SERPINI1: variants seen among roughly 807,000 people sequenced by gnomAD.
SERPINI1 encodes the protein neuroserpin.
In SERPINI1, 19 loss-of-function variants were observed where a neutral mutation model predicts 41.1. The ratio of observed to expected loss-of-function variants is 0.46; its 90% CI spans 0.32 to 0.68. The LOEUF (loss-of-function observed/expected upper bound fraction) is 0.68. Among genes scored for constraint, SERPINI1 ranks in the 30% least tolerant of loss-of-function variants. SERPINI1 has a pLI of 0.03. For missense variants in SERPINI1, 460 were observed against 479.2 expected (o/e 0.96, Z 0.37); for synonymous variants, 138 against 156.6 (o/e 0.88, Z 0.89).
intron 6 of SERPINI1, among the ~76,000 whole-genome samples, chr3:167,814,212 C>T (rs1189292004): frequency 6.6e-6 from 1 of 152,136 alleles, no homozygotes; most frequent in Non-Finnish European, 1.5e-5. Context: ...TTGATGTCTG[C>T]TTTCCTCTCA....
At position 167,824,467 on chromosome 3, in the gene SERPINI1, C is replaced by T. The variant is rs759360650; in HGVS notation, c.1067-6C>T. ...GACATATAATTACTTTTTATCTGCA[C>T]TGTAGGAATGATTGCAATTAGTAGG... On this transcript the variant is annotated splice_region_variant and splice_polypyrimidine_tract_variant and intron_variant, in intron 7 of 8. Coordinates refer to ENST00000446050, the MANE Select transcript of SERPINI1 (RefSeq NM_001122752.2). The T allele has an allele frequency of 2.8e-5, 45 of 1,608,772 alleles. No homozygotes were observed. The highest frequency in any genetic ancestry group is 3.8e-5 in the Non-Finnish European group (45 of 1,175,458).
intron 1 of SERPINI1, among the ~76,000 whole-genome samples, chr3:167,787,077 AACTTAAG>A (rs1185613740): frequency 1.3e-5 from 2 of 152,078 alleles, no homozygotes; most frequent in Admixed American, 1.3e-4. Flanking sequence ...TTTTTGTTAA[AACTTAAG>A]ACACAAATAC....
intron 1 of SERPINI1, among the ~76,000 whole-genome samples, chr3:167,746,261 C>T (rs756948732): frequency 4.7e-4 from 71 of 152,284 alleles, no homozygotes; most frequent in Non-Finnish European, 6.9e-4. Flanking sequence ...CTCTACCTCA[C>T]ACCATATACA....
intron 5 of SERPINI1, among the ~76,000 whole-genome samples, chr3:167,798,836 A>G (rs1221773914): frequency 6.6e-6 from 1 of 152,110 alleles, no homozygotes. Context: ...GAGGATGACT[A>G]GAGGAGGGAA....
At chr3:167,794,071 T>A (rs11924448) in intron 4 of SERPINI1, among the ~76,000 whole-genome samples, 5 of 152,156 alleles carry the variant, frequency 3.3e-5, no homozygotes, top group Admixed American at 2.6e-4. Context: ...AAATTTTCCC[T>A]TCTTAAAAAT....
intron 6 of SERPINI1, among the ~76,000 whole-genome samples, chr3:167,813,197 A>G (rs1049244013): frequency 2.6e-5 from 4 of 152,328 alleles, no homozygotes; most frequent in African/African-American, 9.6e-5. Context: ...TCTCATTGCC[A>G]TAATTCCAAT....
At position 167,750,462 on chromosome 3, in the gene SERPINI1, C is replaced by T. The variant is rs186894804; in HGVS notation, c.-19+14639C>T. Among the ~76,000 whole-genome samples the T allele has an allele frequency of 1.9e-4, 29 of 152,250 alleles. No homozygotes were observed. The South Asian group carries it at 3.9e-3, about 21-fold the overall frequency. ...ACATGGAGCAATGGGTTTGCCATCACGTGTTCGTGATGCTTATTTGTGTAT... is the reference window on the plus strand; with the variant it reads ...ACATGGAGCAATGGGTTTGCCATCATGTGTTCGTGATGCTTATTTGTGTAT... On this transcript the variant is annotated intron_variant, in intron 1 of 8. Transcript: ENST00000446050.
chr3:167,805,942 T>A (rs907606522), intron 5 of SERPINI1, among the ~76,000 whole-genome samples: 1 of 152,074 alleles, frequency 6.6e-6, no homozygotes, highest in African/African-American at 2.4e-5. Context: ...AAACCAGAAA[T>A]ACCATTTGAC....
intron 6 of SERPINI1, among the ~76,000 whole-genome samples, chr3:167,810,543 G>A (rs1711837256): frequency 6.6e-6 from 1 of 152,162 alleles, no homozygotes; most frequent in African/African-American, 2.4e-5. Context: ...ATACCTTAAT[G>A]TAGAAATACT....
At chr3:167,775,407 C>T (rs1726935950) in intron 1 of SERPINI1, among the ~76,000 whole-genome samples, 2 of 151,582 alleles carry the variant, frequency 1.3e-5, no homozygotes. Flanking sequence ...GATTAGACAC[C>T]TGCCACCACG....
intron 1 of SERPINI1, among the ~76,000 whole-genome samples, chr3:167,772,893 TACACAC>T (rs71176658): frequency 0.041 from 2,110 of 51,580 alleles, 62 homozygotes; most frequent in Middle Eastern, 0.083. Context: ...TATATATATA[TACACAC>T]ACACACACAC....
chr3:167,773,485 TC>T (rs1473284156), intron 1 of SERPINI1, among the ~76,000 whole-genome samples: 1 of 152,188 alleles, frequency 6.6e-6, no homozygotes, highest in Non-Finnish European at 1.5e-5. Flanking sequence ...CTACATAACT[TC>T]CTAAAGCTGT....
intron 1 of SERPINI1, among the ~76,000 whole-genome samples, chr3:167,780,342 A>G (rs1023317601): frequency 6.6e-6 from 1 of 152,146 alleles, no homozygotes; most frequent in Non-Finnish European, 1.5e-5. Flanking sequence ...ACACACTCCA[A>G]TTTAATTATA....
At chr3:167,774,350 CA>C (rs1381640786) in intron 1 of SERPINI1, among the ~76,000 whole-genome samples, 2 of 152,038 alleles carry the variant, frequency 1.3e-5, no homozygotes, top group African/African-American at 4.8e-5. Context: ...TTCATCTTAC[CA>C]AAAGGGCCCT....
At chr3:167,795,515 T>C (rs1448469368) in intron 5 of SERPINI1, among the ~76,000 whole-genome samples, 1 of 152,158 alleles carries the variant, frequency 6.6e-6, no homozygotes, top group Non-Finnish European at 1.5e-5. Context: ...CTTATGTTCT[T>C]GCATTGGCCT....
chr3:167,784,378 T>C (rs1297965768), intron 1 of SERPINI1, among the ~76,000 whole-genome samples: 2 of 152,210 alleles, frequency 1.3e-5, no homozygotes, highest in Non-Finnish European at 2.9e-5. Context: ...TTATAAATTT[T>C]GATAACCTCA....
At chr3:167,757,598 A>G (rs1559997219) in intron 1 of SERPINI1, among the ~76,000 whole-genome samples, 1 of 152,108 alleles carries the variant, frequency 6.6e-6, no homozygotes, top group Admixed American at 6.5e-5. Context: ...TGGCCTCTGT[A>G]TATTCAAATG....
At chr3:167,788,787 T>C (rs1167152216) in intron 1 of SERPINI1, among the ~76,000 whole-genome samples, 1 of 152,246 alleles carries the variant, frequency 6.6e-6, no homozygotes, top group East Asian at 1.9e-4. Context: ...GTCCTAGACC[T>C]ATGTAGTTTA....
At chr3:167,807,371 G>T (rs1243479086) in intron 6 of SERPINI1, 30 bp downstream of exon 6, 2 of 1,348,984 alleles carry the variant, frequency 1.5e-6, no homozygotes, top group African/African-American at 2.9e-5. Flanking sequence ...TTTTAAAAAT[G>T]TTATTCCATA....
Sources: allele counts gnomAD v4.1 joint callset (sites outside exome capture counted in the v4.1 genomes callset), GRCh38; gene constraint gnomAD v4.1.1; transcripts MANE v1.5; gene names NCBI Gene and HGNC (gene_info 2026-07-23, HGNC 2026-07-21).